INSYN2A: variants seen among roughly 807,000 people sequenced by gnomAD.
INSYN2A encodes inhibitory synaptic factor 2A, also known as family with sequence similarity 196 member A.
INSYN2A carries 17 observed loss-of-function variants against 39.4 expected under a neutral mutation model. The ratio of observed to expected loss-of-function variants is 0.43; its 90% CI spans 0.30 to 0.65. The LOEUF is 0.65. Ranked by LOEUF, INSYN2A falls within the 30% of genes least tolerant of loss-of-function variation. The pLI is 0.14. For synonymous variants in INSYN2A, 255 were observed against 265.7 expected, an observed-to-expected ratio of 0.96 and a Z score of 0.39; for missense variants, 595 against 631.2, an observed-to-expected ratio of 0.94 and a Z score of 0.61.
At chr10:127,182,003 G>C (rs561572080) in intron 2 of INSYN2A, among the ~76,000 whole-genome samples, 2 of 152,212 alleles carry the variant, frequency 1.3e-5, no homozygotes, top group Middle Eastern at 6.8e-3. Flanking sequence ...TCACTGATGA[G>C]GACCAAAAAG....
chr10:127,150,113 C>A (rs2052341951), intron 5 of INSYN2A, among the ~76,000 whole-genome samples: 2 of 152,162 alleles, frequency 1.3e-5, no homozygotes, highest in Admixed American at 1.3e-4. Context: ...TTTGGAGACA[C>A]CCTCTGGCTC....
intron 4 of INSYN2A, among the ~76,000 whole-genome samples, chr10:127,166,220 C>T (rs2483849): frequency 0.5 from 75,740 of 151,958 alleles, 20,875 homozygotes; most frequent in East Asian, 0.75. Context: ...TGCCTGCCAC[C>T]ACGCCCAGCT....
At chr10:127,173,131 C>G (rs2054737881) in intron 4 of INSYN2A, among the ~76,000 whole-genome samples, 1 of 152,022 alleles carries the variant, frequency 6.6e-6, no homozygotes, top group South Asian at 2.1e-4. Flanking sequence ...CCTGCTCCAG[C>G]ATTGCTGGCC....
chr10:127,192,881 C>G (rs188594851), intron 1 of INSYN2A, among the ~76,000 whole-genome samples, 151 bp from the exon 2 acceptor site: 3 of 152,220 alleles, frequency 2.0e-5, no homozygotes, highest in Admixed American at 1.3e-4. Context: ...TGTATTCTGT[C>G]CTTAATGTAT....
intron 2 of INSYN2A, among the ~76,000 whole-genome samples, chr10:127,190,772 T>C (rs569670188): frequency 2.0e-4 from 29 of 147,976 alleles, no homozygotes; most frequent in South Asian, 1.5e-3. Flanking sequence ...CTTCTTTCTA[T>C]CTTGCCACAT....
intron 5 of INSYN2A, among the ~76,000 whole-genome samples, chr10:127,143,444 C>T (rs1157971805): frequency 2.6e-5 from 4 of 152,184 alleles, no homozygotes; most frequent in African/African-American, 4.8e-5. Flanking sequence ...ATCACCTCAC[C>T]TTGGGGACCT....
At chr10:127,178,369 G>C (rs561258676) in intron 2 of INSYN2A, among the ~76,000 whole-genome samples, 1 of 152,232 alleles carries the variant, frequency 6.6e-6, no homozygotes, top group African/African-American at 2.4e-5. Flanking sequence ...GGTATTTCAG[G>C]ATGGATCATT....
chr10:127,188,778 G>A (rs7907016), intron 2 of INSYN2A, among the ~76,000 whole-genome samples: 1,993 of 152,328 alleles, frequency 0.013, 40 homozygotes, highest in African/African-American at 0.045. Flanking sequence ...CACAAGCTAG[G>A]TACCGTTCTG....
In INSYN2A at chr10:127,186,150, A is replaced by T. The variant is rs553306624; in HGVS notation, c.-269+6455T>A. On this transcript the variant is annotated intron_variant, in intron 2 of 5. Transcript: ENST00000522781. Reference sequence around the variant, plus strand: ...AAAAACAATAGAGGGTCTGGGGCATACCCAGGGTTCTAGTGACTTCCAAGG... The same window carrying T: ...AAAAACAATAGAGGGTCTGGGGCATTCCCAGGGTTCTAGTGACTTCCAAGG... Among the ~76,000 whole-genome samples, 4 of 152,284 alleles carry T rather than the reference A, an allele frequency of 2.6e-5. No individual in the cohort carries two copies. In the East Asian group the frequency reaches 7.7e-4, roughly 29 times the overall value.
rs373010176 is a variant in INSYN2A at position 127,172,445 on chromosome 10, T to A, written c.1184+2767A>T. ...GCTGTACCCAGGGTCTGGGAAGGGATGGAGAATGAGCTTGCATCTTATCTG... is the reference window on the plus strand; with the variant it reads ...GCTGTACCCAGGGTCTGGGAAGGGAAGGAGAATGAGCTTGCATCTTATCTG... On this transcript the variant is annotated intron_variant, in intron 4 of 5. Transcript: ENST00000522781. 6.6e-5 allele frequency among the ~76,000 whole-genome samples: 10 copies of A among 152,266 alleles called. No individual in the cohort carries two copies. In the South Asian group the frequency reaches 1.9e-3, roughly 28 times the overall value.
intron 4 of INSYN2A, among the ~76,000 whole-genome samples, chr10:127,156,598 G>A (rs1170904146): frequency 3.0e-4 from 26 of 85,282 alleles, no homozygotes; most frequent in South Asian, 4.1e-4. Flanking sequence ...ACCAAGTTTC[G>A]CTCTTGTTGC....
At chr10:127,161,324 A>T (rs2053575547) in intron 4 of INSYN2A, among the ~76,000 whole-genome samples, 1 of 152,126 alleles carries the variant, frequency 6.6e-6, no homozygotes, top group Admixed American at 6.5e-5. Context: ...AACTCCCAGG[A>T]TCACCCCTTC....
At chr10:127,153,956 G>T (rs374234146) in intron 4 of INSYN2A, 33 bp from the exon 5 acceptor site, 7 of 1,518,702 alleles carry the variant, frequency 4.6e-6, no homozygotes, top group Non-Finnish European at 6.4e-6. Flanking sequence ...CATTACAAGC[G>T]GTGGCTGGGG....
chr10:127,168,384 A>G (rs1258031010), intron 4 of INSYN2A, among the ~76,000 whole-genome samples: 4 of 152,248 alleles, frequency 2.6e-5, no homozygotes, highest in Non-Finnish European at 4.4e-5. Context: ...ACAGGAGAGC[A>G]TTTGGCAGCA....
At chr10:127,191,149 C>T (rs899581779) in intron 2 of INSYN2A, among the ~76,000 whole-genome samples, 38 of 152,108 alleles carry the variant, frequency 2.5e-4, no homozygotes, top group African/African-American at 9.2e-4. Flanking sequence ...CTGCTGGGCT[C>T]AGGAGTGCAA....
intron 4 of INSYN2A, among the ~76,000 whole-genome samples, chr10:127,174,347 C>G (rs1396761632): frequency 6.6e-6 from 1 of 152,128 alleles, no homozygotes; most frequent in East Asian, 1.9e-4. Context: ...GTCCGATAAC[C>G]CCCAGACCCA....
intron 2 of INSYN2A, among the ~76,000 whole-genome samples, chr10:127,186,501 G>GA (rs1554910038): frequency 2.4e-5 from 1 of 41,960 alleles, no homozygotes; most frequent in African/African-American, 8.1e-5. Context: ...CAGCATGGGA[G>GA]AAACCGCCCC....
Position 127,136,872 on chromosome 10 carries a change from C to G in INSYN2A, c.*965G>C, listed in dbSNP as rs928191887. The G allele has an allele frequency of 1.4e-4, 22 of 152,644 alleles. No individual in the cohort carries two copies. The highest frequency in any genetic ancestry group is 1.2e-3 in the Admixed American group (19 of 15,292). 9.5% of individuals were successfully genotyped at this position (152,644 alleles called of 1,614,324 possible). A position where few individuals can be genotyped will look rare whatever the true frequency, so the allele number is the denominator to read the frequency against. On this transcript the variant is annotated 3_prime_UTR_variant, in exon 6 of 6. Transcript: ENST00000522781. ...AAGCATAACGAATTGTACATAACGT[C>G]TGGCTGCACTTACCATGGCTAACAG...
chr10:127,147,907 C>T (rs891828920), intron 5 of INSYN2A, among the ~76,000 whole-genome samples: 8 of 151,368 alleles, frequency 5.3e-5, no homozygotes, highest in Admixed American at 1.3e-4. Context: ...GGTGCGCGCA[C>T]GTAGTCCCAG....
Sources: gnomAD v4.1 joint callset for allele counts (sites outside exome capture counted in the v4.1 genomes callset) on GRCh38, gnomAD v4.1.1 for gene constraint, MANE v1.5 for transcripts, NCBI Gene and HGNC (gene_info 2026-07-23, HGNC 2026-07-21) for gene names.